The following FXN variants were observed in gnomAD, a reference collection of about 807,000 sequenced individuals.
FXN encodes the protein frataxin.
A neutral mutation model predicts 22.4 loss-of-function variants in FXN; 14 were observed. The ratio of observed to expected loss-of-function variants is 0.62; its 90% confidence interval spans 0.41 to 0.98. FXN has a LOEUF of 0.98. Among genes scored for constraint, FXN ranks in the 50% least tolerant of loss-of-function variants. FXN has a pLI of 0.00. For missense variants in FXN, 267 were observed against 268.4 expected (o/e 0.99, Z 0.04); for synonymous variants, 120 against 114.1 (o/e 1.05, Z -0.33).
In FXN at chr9:69,077,985, A is replaced by G. The variant is rs1025992848; in HGVS notation, c.*5223A>G. 2.9e-5 allele frequency: 29 copies of G among 985,076 alleles called. No individual in the cohort carries two copies. Among genetic ancestry groups the G allele is most frequent in the South Asian group, 4.7e-5 (1 of 21,288 alleles). The allele number at this position is 985,076 out of a possible 1,614,324, so 61.0% of individuals were successfully genotyped here. A position where few individuals can be genotyped will look rare whatever the true frequency, so the allele number is the denominator to read the frequency against. ...AAGTGTAAAGGTGGCTAAATTATAT[A>G]GAAAAATAAGACAATATCATTTCCC... On this transcript the variant is annotated 3_prime_UTR_variant, in exon 5 of 5. Coordinates refer to ENST00000484259, the MANE Select transcript of FXN (RefSeq NM_000144.5).
At chr9:69,040,865 A>G (rs563200251) in intron 1 of FXN, among the ~76,000 whole-genome samples, 1 of 152,176 alleles carries the variant, frequency 6.6e-6, no homozygotes, top group Admixed American at 6.5e-5. Flanking sequence ...TGCCCTTCTA[A>G]AATAGCCCAA....
chr9:69,063,206 C>T (rs929351151), intron 3 of FXN, among the ~76,000 whole-genome samples: 1 of 152,046 alleles, frequency 6.6e-6, no homozygotes, highest in South Asian at 2.1e-4. Flanking sequence ...TAAAAACAAA[C>T]AAACAAAAAC....
intron 3 of FXN, among the ~76,000 whole-genome samples, chr9:69,055,061 G>GGAATTGAAAA (rs1816638433): frequency 6.6e-6 from 1 of 152,226 alleles, no homozygotes; most frequent in East Asian, 1.9e-4. Context: ...AACAAAAAAG[G>GGAATTGAAAA]AGCAATGGAG....
At chr9:69,071,905 A>G (rs1032747957) in intron 4 of FXN, among the ~76,000 whole-genome samples, 1 of 152,228 alleles carries the variant, frequency 6.6e-6, no homozygotes, top group Non-Finnish European at 1.5e-5. Context: ...CCAATATAAC[A>G]ACTATTAACA....
At chr9:69,063,389 G>A (rs1394885639) in intron 3 of FXN, among the ~76,000 whole-genome samples, 1 of 152,098 alleles carries the variant, frequency 6.6e-6, no homozygotes, top group Non-Finnish European at 1.5e-5. Flanking sequence ...CCTCATCTGT[G>A]AAACTGGAAT....
At chr9:69,050,001 A>G (rs932529303) in intron 2 of FXN, among the ~76,000 whole-genome samples, 3 of 152,260 alleles carry the variant, frequency 2.0e-5, no homozygotes, top group Non-Finnish European at 2.9e-5. Flanking sequence ...AGCCCCTGCA[A>G]GCAAGCTGCC....
intron 4 of FXN, among the ~76,000 whole-genome samples, chr9:69,066,456 G>A (rs1031426486): frequency 5.3e-5 from 8 of 152,144 alleles, no homozygotes; most frequent in Admixed American, 1.3e-4. Flanking sequence ...AGAAATCACT[G>A]TCATTCTAGG....
chr9:69,036,682 G>C (rs1036065591), intron 1 of FXN, among the ~76,000 whole-genome samples: 1 of 152,212 alleles, frequency 6.6e-6, no homozygotes, highest in Non-Finnish European at 1.5e-5. Flanking sequence ...AGGATTAAAT[G>C]GGAATAACAT....
Position 69,047,724 on chromosome 9 carries a change from C to CTA in FXN, c.263+1243_263+1244insAT, listed in dbSNP as rs1831784727. ...CAGACTCATTTCTCTCTCTCTCTCT[C>CTA]TTTTTTTTTCTTTTATGAAATCACA... is the stretch of plus-strand genomic sequence containing the variant. On this transcript the variant is annotated intron_variant, in intron 2 of 4. Transcript: ENST00000484259. 2.0e-5 allele frequency among the ~76,000 whole-genome samples: 3 copies of CTA among 151,412 alleles called. No homozygotes were observed. The South Asian group carries it at 6.3e-4, about 32-fold the overall frequency.
In FXN at chr9:69,076,067, A is replaced by G; in HGVS notation, c.*3305A>G. 1 of 984,338 alleles carries G rather than the reference A, an allele frequency of 1.0e-6. No homozygotes were observed. Among genetic ancestry groups the G allele is most frequent in the Non-Finnish European group, 1.2e-6 (1 of 828,976 alleles). The allele number at this position is 984,338 out of a possible 1,614,324, so 61.0% of individuals were successfully genotyped here. ...GTAGAACCTCAGCCACATAGAAAATAAAATGTTCTGGCATGACTTATTTAG... is the reference window on the plus strand; with the variant it reads ...GTAGAACCTCAGCCACATAGAAAATGAAATGTTCTGGCATGACTTATTTAG... On this transcript the variant is annotated 3_prime_UTR_variant, in exon 5 of 5. Transcript: ENST00000484259.
intron 3 of FXN, among the ~76,000 whole-genome samples, chr9:69,057,182 G>A (rs986213962): frequency 3.3e-5 from 5 of 152,164 alleles, no homozygotes; most frequent in Admixed American, 3.3e-4. Flanking sequence ...TTCCCATCAT[G>A]GCCAAAACTT....
intron 4 of FXN, among the ~76,000 whole-genome samples, chr9:69,068,575 G>A (rs1419252356): frequency 6.6e-6 from 1 of 152,238 alleles, no homozygotes; most frequent in East Asian, 1.9e-4. Context: ...CCTGTGGGCG[G>A]CAGTGCTAGT....
Position 69,077,236 on chromosome 9 carries a change from T to C in FXN, c.*4474T>C. 1 of 985,412 alleles carries C rather than the reference T, an allele frequency of 1.0e-6. No individual in the cohort carries two copies. Among genetic ancestry groups the C allele is most frequent in the Non-Finnish European group, 1.2e-6 (1 of 829,940 alleles). 61.0% of individuals were successfully genotyped at this position (985,412 alleles called of 1,614,324 possible). A position where few individuals can be genotyped will look rare whatever the true frequency, so the allele number is the denominator to read the frequency against. On this transcript the variant is annotated 3_prime_UTR_variant, in exon 5 of 5. Coordinates refer to ENST00000484259, the MANE Select transcript of FXN (RefSeq NM_000144.5). ...CAGAAATGCCTTCTAATCTTTGGTT[T>C]ATCTTAATTAGCCAGGACACTTGGA... is the stretch of plus-strand genomic sequence containing the variant.
intron 2 of FXN, among the ~76,000 whole-genome samples, chr9:69,052,573 C>T (rs1430400167): frequency 1.0e-4 from 14 of 135,444 alleles, no homozygotes; most frequent in South Asian, 2.4e-4. Context: ...GACAGAGTCT[C>T]GCTCTGTCGC....
In FXN at chr9:69,076,073, T is replaced by C; in HGVS notation, c.*3311T>C. 1 of 984,548 alleles carries C rather than the reference T, an allele frequency of 1.0e-6. No individual in the cohort carries two copies. The highest frequency in any genetic ancestry group is 1.2e-6 in the Non-Finnish European group (1 of 829,150). 61.0% of individuals were successfully genotyped at this position (984,548 alleles called of 1,614,324 possible). A position where few individuals can be genotyped will look rare whatever the true frequency, so the allele number is the denominator to read the frequency against. On this transcript the variant is annotated 3_prime_UTR_variant, in exon 5 of 5. Transcript: ENST00000484259. Reference sequence around the variant, plus strand: ...CCTCAGCCACATAGAAAATAAAATGTTCTGGCATGACTTATTTAGCTCTCT... The same window carrying C: ...CCTCAGCCACATAGAAAATAAAATGCTCTGGCATGACTTATTTAGCTCTCT...
At chr9:69,040,937 G>A (rs1831646542) in intron 1 of FXN, among the ~76,000 whole-genome samples, 1 of 152,180 alleles carries the variant, frequency 6.6e-6, no homozygotes, top group Non-Finnish European at 1.5e-5. Flanking sequence ...AGACACCAAA[G>A]CTGTTGGTGC....
At chr9:69,055,345 C>T (rs1831936989) in intron 3 of FXN, among the ~76,000 whole-genome samples, 1 of 152,166 alleles carries the variant, frequency 6.6e-6, no homozygotes, top group African/African-American at 2.4e-5. Flanking sequence ...CACATGCAGA[C>T]ATTGATTAGC....
intron 1 of FXN, among the ~76,000 whole-genome samples, chr9:69,037,304 A>AGAAGAAGAAGAAGAAG (rs58850165): frequency 6.8e-6 from 1 of 148,040 alleles, no homozygotes; most frequent in Admixed American, 6.7e-5. Flanking sequence ...AAGAAGAAGA[A>AGAAGAAGAAGAAGAAG]AATAAAGAAA....
Position 69,078,590 on chromosome 9 carries a change from C to T in FXN, c.*5828C>T, listed in dbSNP as rs367866592. The T allele has an allele frequency of 3.0e-6, 3 of 985,712 alleles. No individual in the cohort carries two copies. The highest frequency in any genetic ancestry group is 4.7e-5 in the South Asian group (1 of 21,278). 61.1% of individuals were successfully genotyped at this position (985,712 alleles called of 1,614,324 possible). A position where few individuals can be genotyped will look rare whatever the true frequency, so the allele number is the denominator to read the frequency against. On this transcript the variant is annotated 3_prime_UTR_variant, in exon 5 of 5. Coordinates refer to ENST00000484259, the MANE Select transcript of FXN (RefSeq NM_000144.5). ...CTTTTCTGACTGAACTGTTCAGGCA[C>T]TGACTCTACATATAATTATGCTTTT...
Sources: gnomAD v4.1 joint callset for allele counts (sites outside exome capture counted in the v4.1 genomes callset) on GRCh38, gnomAD v4.1.1 for gene constraint, MANE v1.5 for transcripts, NCBI Gene and HGNC (gene_info 2026-07-23, HGNC 2026-07-21) for gene names.